RB1: variants seen among roughly 807,000 people sequenced by gnomAD.
RB1 encodes the protein RB transcriptional corepressor 1.
A neutral mutation model predicts 135.4 loss-of-function variants in RB1; 18 were observed. That is an observed-to-expected ratio of 0.13 (90% CI 0.09 to 0.20). RB1 has a LOEUF of 0.20. RB1 is among the 10% of genes least tolerant of loss of function. The probability of loss-of-function intolerance (pLI) is 1.00; values close to 1 mark genes in which losing one functional copy is unlikely to be tolerated. For synonymous variants in RB1, 365 were observed against 373.2 expected (o/e 0.98, Z 0.25); for missense variants, 868 against 1,110.0 (o/e 0.78, Z 3.10).
At chr13:48,313,146 A>G (rs1952145808) in intron 2 of RB1, among the ~76,000 whole-genome samples, 1 of 152,094 alleles carries the variant, frequency 6.6e-6, no homozygotes, top group Admixed American at 6.5e-5. Context: ...TGAATATGAT[A>G]GTATTCATAT....
chr13:48,349,145 C>T, intron 6 of RB1, 122 bp downstream of exon 6: 1 of 1,033,108 alleles, frequency 9.7e-7, no homozygotes, highest in East Asian at 2.9e-5. Context: ...CTCTGCTTGG[C>T]TTATTAACTG....
intron 4 of RB1, among the ~76,000 whole-genome samples, 200 bp from the exon 5 acceptor site, chr13:48,347,625 G>T (rs1332096606): frequency 6.6e-6 from 1 of 151,816 alleles, no homozygotes; most frequent in Non-Finnish European, 1.5e-5. Context: ...TAATTGAGAG[G>T]ATTAACTGTA....
chr13:48,459,896 T>C lies in RB1; in HGVS notation c.2106+63T>C, dbSNP rs988507796. The C allele has an allele frequency of 6.2e-4, 277 of 448,646 alleles. 10 individuals carry two copies. The African/African-American group carries it at 8.6e-3, about 14-fold the overall frequency. The allele number at this position is 448,646 out of a possible 1,614,324, so 27.8% of individuals were successfully genotyped here. ...CTTACTTGTTAACTGATTCTTTCTT[T>C]CTTTCTTTCTTTCTTTCTTTCTTTC... is the stretch of plus-strand genomic sequence containing the variant. On this transcript the variant is annotated intron_variant, in intron 20 of 26. Coordinates refer to ENST00000267163, the MANE Select transcript of RB1 (RefSeq NM_000321.3).
At position 48,480,013 on chromosome 13, in the gene RB1, G is replaced by A. The variant is rs1360367329; in HGVS notation, c.2729G>A (p.Arg910Gln). The change falls in exon 27 of 27, where the codon CGA becomes CAA. Residue 910 changes from arginine to glutamine, a missense_variant. By Grantham distance (43) the Arg-to-Gln change is conservative (BLOSUM62 1). Coordinates refer to ENST00000267163, the MANE Select transcript of RB1 (RefSeq NM_000321.3). ...KLAEMTSTRT[R>Q]MQKQKMNDSM... ...CTTTTTCCAGCTTCTACTCGAACAC[G>A]AATGCAAAAGCAGAAAATGAATGAT... The A allele has an allele frequency of 3.1e-6, 5 of 1,613,234 alleles. No individual in the cohort carries two copies. Among genetic ancestry groups the A allele is most frequent in the Middle Eastern group, 1.7e-4 (1 of 6,060 alleles).
At chr13:48,414,705 G>C (rs1370465661) in intron 17 of RB1, among the ~76,000 whole-genome samples, 1 of 151,952 alleles carries the variant, frequency 6.6e-6, no homozygotes, top group African/African-American at 2.4e-5. Context: ...TTCACACTCA[G>C]CAATTTTTGT....
At position 48,373,421 on chromosome 13, in the gene RB1, A is replaced by G. The variant is rs1286489738; in HGVS notation, c.1144A>G (p.Ile382Val). The G allele has an allele frequency of 1.1e-5, 17 of 1,593,874 alleles. No individual in the cohort carries two copies. Among genetic ancestry groups the G allele is most frequent in the Non-Finnish European group, 1.3e-5 (15 of 1,162,252 alleles). ...CCCCTCTAGGACTGTTATGAACACT[A>G]TCCAACAATTAATGATGATTTTAAA... ...HTPVRTVMNT[I>V]QQLMMILNSA... is the part of the protein sequence containing the mutation. Residue 382 changes from isoleucine to valine, a missense_variant, in exon 12 of 27, where the codon ATC (isoleucine) becomes GTC (valine). By Grantham distance (29) the Ile-to-Val change is conservative. Coordinates refer to ENST00000267163, the MANE Select transcript of RB1 (RefSeq NM_000321.3).
Position 48,303,788 on chromosome 13 carries a change from A to T in RB1, c.-125A>T. On this transcript the variant is annotated 5_prime_UTR_variant, in exon 1 of 27. Transcript: ENST00000267163. ...GGGGAGGGCGCGTCCGGTTTTTCTC[A>T]GGGGACGTTGAAATTATTTTTGTAA... is the stretch of plus-strand genomic sequence containing the variant. 1 of 1,390,418 alleles carries T rather than the reference A, an allele frequency of 7.2e-7. No individual in the cohort carries two copies. Among genetic ancestry groups the T allele is most frequent in the Non-Finnish European group, 9.5e-7 (1 of 1,052,256 alleles). 86.1% of individuals were successfully genotyped at this position (1,390,418 alleles called of 1,614,324 possible).
At chr13:48,380,491 A>T (rs903738604) in intron 16 of RB1, among the ~76,000 whole-genome samples, 1 of 152,132 alleles carries the variant, frequency 6.6e-6, no homozygotes, top group African/African-American at 2.4e-5. Flanking sequence ...ACTGAATCCA[A>T]AAAAGGTACT....
chr13:48,316,893 G>A lies in RB1; in HGVS notation c.264+9487G>A, dbSNP rs1233157637. 1.2e-5 allele frequency: 4 copies of A among 343,960 alleles called. 1 individual carries two copies. In the South Asian group the frequency reaches 1.7e-4, roughly 15 times the overall value. The allele number at this position is 343,960 out of a possible 1,614,324, so 21.3% of individuals were successfully genotyped here. ...TGCTGAGCTGCCGCCACTGTCCTCC[G>A]TGCGCGGAGTGTCGCTGAAGTCACT... is the stretch of plus-strand genomic sequence containing the variant. On this transcript the variant is annotated intron_variant, in intron 2 of 26. Transcript: ENST00000267163.
chr13:48,406,453 TATAA>T (rs1394548109), intron 17 of RB1: 1 of 152,212 alleles, frequency 6.6e-6, no homozygotes, highest in Non-Finnish European at 1.5e-5. Context: ...CTTTAAATTG[TATAA>T]ATATAGTTCT....
At chr13:48,445,910 AAC>A (rs553821145) in intron 17 of RB1, among the ~76,000 whole-genome samples, 10 of 152,184 alleles carry the variant, frequency 6.6e-5, no homozygotes, top group Non-Finnish European at 1.5e-4. Context: ...AGGAGCAGAT[AAC>A]ACATATTTTT....
intron 17 of RB1, among the ~76,000 whole-genome samples, chr13:48,405,675 T>G (rs1948733489): frequency 6.6e-6 from 1 of 152,222 alleles, no homozygotes; most frequent in Admixed American, 6.5e-5. Context: ...GAAGAAAGTT[T>G]GTCAATACCC....
At chr13:48,390,839 A>G (rs1003133779) in intron 17 of RB1, among the ~76,000 whole-genome samples, 4 of 152,084 alleles carry the variant, frequency 2.6e-5, no homozygotes, top group South Asian at 2.1e-4. Flanking sequence ...TTTAACTTAT[A>G]CGTGTCTTTA....
rs1049971126 is a variant in RB1, at chr13:48,313,363, G to A, written c.264+5957G>A. 1.3e-4 allele frequency among the ~76,000 whole-genome samples: 19 copies of A among 142,674 alleles called. No homozygotes were observed. In the East Asian group the frequency reaches 3.9e-3, roughly 29 times the overall value. The allele number at this position is 142,674 out of a possible 152,430, so 93.6% of individuals were successfully genotyped here. On this transcript the variant is annotated intron_variant, in intron 2 of 26. Transcript: ENST00000267163. ...AGGATTTTAATTTTGATGAAGTCCA[G>A]TTTTCTATTTTTTTTTTGGTGGTGG...
chr13:48,413,466 A>G (rs924594403), intron 17 of RB1, among the ~76,000 whole-genome samples: 1 of 152,214 alleles, frequency 6.6e-6, no homozygotes, highest in Non-Finnish European at 1.5e-5. Context: ...GAAAATGTGT[A>G]TGGGTGTGTA....
Position 48,319,664 on chromosome 13 carries a change from C to T in RB1, c.264+12258C>T, listed in dbSNP as rs1008432937. The T allele has an allele frequency of 4.0e-6, 1 of 252,196 alleles. No individual in the cohort carries two copies. Among genetic ancestry groups the T allele is most frequent in the South Asian group, 5.9e-5 (1 of 16,868 alleles). 15.6% of individuals were successfully genotyped at this position (252,196 alleles called of 1,614,324 possible). A position where few individuals can be genotyped will look rare whatever the true frequency, so the allele number is the denominator to read the frequency against. On this transcript the variant is annotated intron_variant, in intron 2 of 26. Coordinates refer to ENST00000267163, the MANE Select transcript of RB1 (RefSeq NM_000321.3). The surrounding 1 kb of genome is among the most constrained non-coding windows in gnomAD (Gnocchi z 5.0). ...GGGCGCCCTTCAGACCCTGCCGATG[C>T]GCCACCTTTGCGGCTAGCTCTTCGT...
chr13:48,411,780 A>G (rs764966122), intron 17 of RB1: 3 of 1,611,930 alleles, frequency 1.9e-6, no homozygotes, highest in Non-Finnish European at 2.5e-6. Context: ...ACTTAATGTA[A>G]CAGGTTTGGT....
chr13:48,414,159 C>A (rs1948867205), intron 17 of RB1, among the ~76,000 whole-genome samples: 1 of 151,962 alleles, frequency 6.6e-6, no homozygotes. Context: ...AGCAGCCTGG[C>A]CAAAATGGCG....
At chr13:48,369,209 T>C (rs1952733977) in intron 11 of RB1, among the ~76,000 whole-genome samples, 1 of 152,214 alleles carries the variant, frequency 6.6e-6, no homozygotes, top group Non-Finnish European at 1.5e-5. Flanking sequence ...AACTATTTTT[T>C]ATGTCTTTTT....
Sources: gnomAD v4.1 joint callset for allele counts (sites outside exome capture counted in the v4.1 genomes callset) on GRCh38, gnomAD v4.1.1 for gene constraint, Gnocchi (gnomAD v3.1) non-coding constraint, MANE v1.5 for transcripts, NCBI Gene and HGNC (gene_info 2026-07-23, HGNC 2026-07-21) for gene names.